DACH1: variants seen among roughly 807,000 people sequenced by gnomAD.
DACH1 encodes the protein dachshund homolog 1.
DACH1 carries 12 observed loss-of-function variants against 54.2 expected under a neutral mutation model. The observed-to-expected ratio is 0.22, with a 90% CI of 0.14 to 0.36. DACH1 has a LOEUF of 0.36. Ranked by LOEUF, DACH1 falls within the 10% of genes least tolerant of loss-of-function variation. The probability of loss-of-function intolerance (pLI) is 1.00; values close to 1 mark genes in which losing one functional copy is unlikely to be tolerated. For missense variants in DACH1, 805 were observed against 929.8 expected, an observed-to-expected ratio of 0.87 and a Z score of 1.75; for synonymous variants, 386 against 366.2, an observed-to-expected ratio of 1.05 and a Z score of -0.62.
intron 1 of DACH1, among the ~76,000 whole-genome samples, chr13:71,714,520 T>C (rs1358579112): frequency 2.0e-5 from 3 of 152,100 alleles, no homozygotes; most frequent in Non-Finnish European, 4.4e-5. Flanking sequence ...TTTTTGTAGG[T>C]GTAGGTTTAC....
At chr13:71,756,493 A>T (rs991062551) in intron 1 of DACH1, among the ~76,000 whole-genome samples, 2 of 151,812 alleles carry the variant, frequency 1.3e-5, no homozygotes, top group Admixed American at 1.3e-4. Flanking sequence ...AAGGACTTAT[A>T]TTATGGTTTA....
chr13:71,864,180 TACACAC>T lies in DACH1; in HGVS notation c.848+1736_848+1741del, dbSNP rs55651625. Among the ~76,000 whole-genome samples, 932 of 108,494 alleles carry T rather than the reference TACACAC, an allele frequency of 8.6e-3. 13 individuals carry two copies. The highest frequency in any genetic ancestry group is 0.028 in the African/African-American group (793 of 27,834). The allele number at this position is 108,494 out of a possible 152,430, so 71.2% of individuals were successfully genotyped here. ...ATACTTTTGAGCGCGCGCGCGCACA[TACACAC>T]ACACACACACACACACACACACACA... On this transcript the variant is annotated intron_variant, in intron 1 of 10. Transcript: ENST00000613252.
At chr13:71,601,424 G>A (rs568565783) in intron 3 of DACH1, among the ~76,000 whole-genome samples, 74 of 152,016 alleles carry the variant, frequency 4.9e-4, no homozygotes, top group African/African-American at 1.7e-3. Flanking sequence ...TGTCTTCAAC[G>A]CATCACTACA....
chr13:71,614,620 A>T (rs2138524880), intron 3 of DACH1, among the ~76,000 whole-genome samples: 1 of 152,238 alleles, frequency 6.6e-6, no homozygotes. Context: ...TTGGGAGGCC[A>T]AGGCAGGAGG....
intron 3 of DACH1, among the ~76,000 whole-genome samples, chr13:71,592,513 A>AAAAAAAAAG (rs768010399): frequency 6.9e-6 from 1 of 145,800 alleles, no homozygotes; most frequent in African/African-American, 2.5e-5. Context: ...AAAAAAAAAA[A>AAAAAAAAAG]AAAAGAAAAG....
intron 1 of DACH1, among the ~76,000 whole-genome samples, chr13:71,847,689 T>C (rs1873370730): frequency 6.6e-6 from 1 of 152,188 alleles, no homozygotes. Context: ...ATTTTGGATA[T>C]GAGATGCTTT....
chr13:71,779,209 A>ATATATACGTATATACGTATATATGTGTG (rs1886234468), intron 1 of DACH1, among the ~76,000 whole-genome samples: 2 of 113,600 alleles, frequency 1.8e-5, no homozygotes, highest in South Asian at 2.4e-4. Context: ...ATATATGTGT[A>ATATATACGTATATACGTATATATGTGTG]TATATATACG....
intron 1 of DACH1, among the ~76,000 whole-genome samples, chr13:71,825,365 TG>T (rs1394891596): frequency 1.3e-5 from 2 of 152,154 alleles, no homozygotes; most frequent in African/African-American, 4.8e-5. Context: ...TGCAATTCAA[TG>T]ATGTTAGTAT....
At chr13:71,856,302 T>C (rs1416257283) in intron 1 of DACH1, among the ~76,000 whole-genome samples, 1 of 151,914 alleles carries the variant, frequency 6.6e-6, no homozygotes, top group Admixed American at 6.6e-5. Flanking sequence ...ATTTGAAGCA[T>C]GGAAGCACTG....
intron 1 of DACH1, among the ~76,000 whole-genome samples, chr13:71,836,863 C>A (rs541369547): frequency 6.6e-6 from 1 of 152,140 alleles, no homozygotes; most frequent in South Asian, 2.1e-4. Flanking sequence ...CCCTCTCCAC[C>A]CCTAACCATG....
At chr13:71,689,197 G>T (rs1209352252) in intron 1 of DACH1, among the ~76,000 whole-genome samples, 1 of 152,146 alleles carries the variant, frequency 6.6e-6, no homozygotes, top group South Asian at 2.1e-4. Context: ...GGGCACATGA[G>T]AATTATTCCC....
At chr13:71,737,138 G>A (rs1399296844) in intron 1 of DACH1, among the ~76,000 whole-genome samples, 1 of 151,878 alleles carries the variant, frequency 6.6e-6, no homozygotes, top group Non-Finnish European at 1.5e-5. Flanking sequence ...CAGAAGAATC[G>A]CTTGAACCCG....
intron 1 of DACH1, among the ~76,000 whole-genome samples, chr13:71,837,247 T>C (rs957370227): frequency 5.9e-5 from 9 of 152,134 alleles, no homozygotes; most frequent in Non-Finnish European, 2.9e-5. Context: ...CGTATGATAA[T>C]ATATAAAAGC....
At chr13:71,735,402 CG>C (rs1275072406) in intron 1 of DACH1, among the ~76,000 whole-genome samples, 28 of 13,478 alleles carry the variant, frequency 2.1e-3, no homozygotes, top group South Asian at 3.7e-3. Context: ...TACACGTATA[CG>C]GGATATACAC....
intron 10 of DACH1, chr13:71,464,484 A>G: frequency 5.9e-6 from 2 of 339,716 alleles, no homozygotes; most frequent in South Asian, 4.8e-5. Context: ...TTTAATGAAG[A>G]TGAGAAGTTC....
chr13:71,633,682 C>T (rs1877269806), intron 2 of DACH1, among the ~76,000 whole-genome samples: 1 of 152,044 alleles, frequency 6.6e-6, no homozygotes, highest in Non-Finnish European at 1.5e-5. Flanking sequence ...ACTTTTAGCC[C>T]AGTTTTATGA....
chr13:71,694,083 G>A (rs1281872477), intron 1 of DACH1, among the ~76,000 whole-genome samples: 2 of 152,184 alleles, frequency 1.3e-5, no homozygotes, highest in African/African-American at 2.4e-5. Flanking sequence ...TGAATGCAGA[G>A]GCAAGATGGC....
intron 10 of DACH1, among the ~76,000 whole-genome samples, chr13:71,453,972 A>C (rs973116916): frequency 1.3e-5 from 2 of 152,182 alleles, no homozygotes; most frequent in African/African-American, 4.8e-5. Flanking sequence ...AGAACTTTTA[A>C]GTAAGGTGGC....
chr13:71,768,986 G>T (rs990990523), intron 1 of DACH1, among the ~76,000 whole-genome samples: 1 of 151,742 alleles, frequency 6.6e-6, no homozygotes, highest in African/African-American at 2.4e-5. Flanking sequence ...GGAAATAAAA[G>T]TTAATTAGTT....
Sources: gnomAD v4.1 joint callset for allele counts (sites outside exome capture counted in the v4.1 genomes callset) on GRCh38, gnomAD v4.1.1 for gene constraint, MANE v1.5 for transcripts, NCBI Gene and HGNC (gene_info 2026-07-23, HGNC 2026-07-21) for gene names.